Variants in NRG1 observed in about 807,000 individuals in gnomAD.
The protein encoded by NRG1 is pro-neuregulin-1, membrane-bound isoform.
A neutral mutation model predicts 63.8 loss-of-function variants in NRG1; 18 were observed. The observed-to-expected ratio is 0.28, with a 90% CI of 0.19 to 0.42. The LOEUF is 0.42. NRG1 is among the 10% of genes least tolerant of loss of function. NRG1 has a pLI of 1.00. For missense variants in NRG1, 762 were observed against 814.7 expected (o/e 0.94, Z 0.79); for synonymous variants, 302 against 301.3 (o/e 1.00, Z -0.02).
At chr8:31,977,072 T>C (rs762008846) in intron 1 of NRG1, among the ~76,000 whole-genome samples, 5 of 152,210 alleles carry the variant, frequency 3.3e-5, no homozygotes, top group Non-Finnish European at 7.3e-5. Context: ...CCTTTGTGCA[T>C]GAAGACAGTT....
Position 31,827,304 on chromosome 8 carries a change from A to T in NRG1, c.37+187873A>T, listed in dbSNP as rs1416695280. 3.3e-5 allele frequency among the ~76,000 whole-genome samples: 5 copies of T among 152,350 alleles called. 1 individual carries two copies. Among genetic ancestry groups the T allele is most frequent in the Admixed American group, 2.6e-4 (4 of 15,302 alleles). On this transcript the variant is annotated intron_variant, in intron 1 of 10. Coordinates refer to the NRG1 transcript ENST00000519301. ...TTGAGCAGTCTTAGTTCTAACTGCT[A>T]CAATTATGCAAGGTATTTGTCTTAG...
At chr8:32,750,795 G>T (rs892333428) in intron 7 of NRG1, among the ~76,000 whole-genome samples, 1 of 151,102 alleles carries the variant, frequency 6.6e-6, no homozygotes, top group African/African-American at 2.4e-5. Flanking sequence ...TTTGTGCCTC[G>T]CAGAACATCT....
At chr8:32,391,009 C>A (rs1811682106) in intron 1 of NRG1, among the ~76,000 whole-genome samples, 1 of 152,066 alleles carries the variant, frequency 6.6e-6, no homozygotes, top group African/African-American at 2.4e-5. Context: ...GACATTTTTT[C>A]AATATTTTAG....
intron 5 of NRG1, among the ~76,000 whole-genome samples, chr8:32,723,983 C>G (rs529510612): frequency 1.1e-4 from 17 of 152,268 alleles, no homozygotes; most frequent in African/African-American, 3.6e-4. Context: ...CCAAGGCAAA[C>G]CAGGTCTAGA....
chr8:31,990,726 AT>A (rs112867141), intron 1 of NRG1, among the ~76,000 whole-genome samples: 5 of 152,218 alleles, frequency 3.3e-5, no homozygotes, highest in African/African-American at 1.2e-4. Flanking sequence ...CTTTGTGGTC[AT>A]TCTAACCCTG....
intron 1 of NRG1, among the ~76,000 whole-genome samples, chr8:32,103,466 G>T (rs1485175576): frequency 6.6e-6 from 1 of 152,152 alleles, no homozygotes; most frequent in African/African-American, 2.4e-5. Flanking sequence ...CCAAATATTG[G>T]CTATTGTGAA....
intron 1 of NRG1, among the ~76,000 whole-genome samples, chr8:31,934,125 A>T (rs1193631289): frequency 6.6e-6 from 1 of 152,192 alleles, no homozygotes; most frequent in Non-Finnish European, 1.5e-5. Context: ...GCATATATAA[A>T]TACATCTAAA....
intron 1 of NRG1, among the ~76,000 whole-genome samples, chr8:31,892,726 G>A (rs1313926111): frequency 6.6e-6 from 1 of 151,944 alleles, no homozygotes; most frequent in African/African-American, 2.4e-5. Flanking sequence ...CAGGGTGGGT[G>A]TAGAGAGCAT....
At chr8:32,747,650 T>TTATTA (rs1424016219) in intron 7 of NRG1, among the ~76,000 whole-genome samples, 1 of 151,172 alleles carries the variant, frequency 6.6e-6, no homozygotes, top group Admixed American at 6.6e-5. Context: ...GCAGAGGAAA[T>TTATTA]TATTATATAT....
At chr8:32,706,100 T>G (rs538849691) in intron 5 of NRG1, among the ~76,000 whole-genome samples, 1 of 152,170 alleles carries the variant, frequency 6.6e-6, no homozygotes, top group East Asian at 1.9e-4. Context: ...CTGATAAAAA[T>G]TATCCAAACT....
intron 1 of NRG1, among the ~76,000 whole-genome samples, chr8:32,145,473 A>G (rs1836775575): frequency 6.6e-6 from 1 of 152,224 alleles, no homozygotes; most frequent in South Asian, 2.1e-4. Context: ...TACTCAGTCT[A>G]GAACATATGC....
chr8:31,789,154 TAA>T (rs1212765362), intron 1 of NRG1, among the ~76,000 whole-genome samples: 4 of 152,228 alleles, frequency 2.6e-5, no homozygotes, highest in Non-Finnish European at 5.9e-5. Flanking sequence ...TTGAAAATCT[TAA>T]AGTCTCTTCT....
In NRG1 at chr8:31,952,552, AT is replaced by A. The variant is rs199702428; in HGVS notation, c.37+313130del. On this transcript the variant is annotated intron_variant, in intron 1 of 10. Coordinates refer to the NRG1 transcript ENST00000519301. ...ACAAGATATTTGAAGTGTTTAAATAATTTTTTTTTCTCACTTGGATTTTGGC... is the reference window on the plus strand; with the variant it reads ...ACAAGATATTTGAAGTGTTTAAATAATTTTTTTTCTCACTTGGATTTTGGC... 6.2e-3 allele frequency among the ~76,000 whole-genome samples: 946 copies of A among 152,042 alleles called. 12 individuals are homozygous for A. The highest frequency in any genetic ancestry group is 0.022 in the African/African-American group (903 of 41,484).
At chr8:31,699,680 A>T (rs1311771654) in intron 1 of NRG1, among the ~76,000 whole-genome samples, 2 of 151,126 alleles carry the variant, frequency 1.3e-5, no homozygotes, top group African/African-American at 2.4e-5. Flanking sequence ...AACTTTAAAA[A>T]GGTATTTTAT....
At chr8:32,201,545 T>G (rs1024295805) in intron 1 of NRG1, among the ~76,000 whole-genome samples, 4 of 152,232 alleles carry the variant, frequency 2.6e-5, no homozygotes, top group Admixed American at 2.0e-4. Context: ...TTTACAATCT[T>G]GAATTGAATC....
intron 1 of NRG1, among the ~76,000 whole-genome samples, chr8:32,215,265 G>A (rs1211040656): frequency 1.3e-5 from 2 of 152,110 alleles, no homozygotes; most frequent in Non-Finnish European, 2.9e-5. Context: ...TCAGCAAAAA[G>A]GGCTATGTGG....
At chr8:32,272,746 T>A (rs780454637) in intron 1 of NRG1, among the ~76,000 whole-genome samples, 5 of 152,194 alleles carry the variant, frequency 3.3e-5, no homozygotes, top group Non-Finnish European at 5.9e-5. Context: ...CCATTATTGA[T>A]CAAAATGTCA....
chr8:32,624,649 A>ATTAG (rs1464765569), intron 5 of NRG1, among the ~76,000 whole-genome samples: 2 of 152,182 alleles, frequency 1.3e-5, no homozygotes. Context: ...TAAAAGACTC[A>ATTAG]TTAGTACCTA....
intron 1 of NRG1, among the ~76,000 whole-genome samples, chr8:32,269,161 A>T (rs1335819884): frequency 6.6e-6 from 1 of 151,924 alleles, no homozygotes; most frequent in African/African-American, 2.4e-5. Context: ...AGTATCAAAG[A>T]CACTGAGGCA....
Sources: allele counts gnomAD v4.1 joint callset (sites outside exome capture counted in the v4.1 genomes callset), GRCh38; gene constraint gnomAD v4.1.1; transcripts MANE v1.5; gene names NCBI Gene and HGNC (gene_info 2026-07-23, HGNC 2026-07-21).